Variants in GPHN observed in about 807,000 individuals in gnomAD.
GPHN encodes gephyrin.
GPHN carries 17 observed loss-of-function variants against 95.5 expected under a neutral mutation model. That is an observed-to-expected ratio of 0.18 (90% confidence interval 0.12 to 0.27). The LOEUF is 0.27. Ranked by LOEUF, GPHN falls within the 10% of genes least tolerant of loss-of-function variation. The probability of loss-of-function intolerance (pLI) is 1.00; values close to 1 mark genes in which losing one functional copy is unlikely to be tolerated. For missense variants in GPHN, 660 were observed against 978.1 expected (o/e 0.67, Z 4.34); for synonymous variants, 320 against 322.5 (o/e 0.99, Z 0.08).
At chr14:66,733,699 G>A (rs1257725787) in intron 2 of GPHN, among the ~76,000 whole-genome samples, 1 of 152,042 alleles carries the variant, frequency 6.6e-6, no homozygotes, top group Non-Finnish European at 1.5e-5. Context: ...GTAGTTAAGT[G>A]GGGAAGGCAC....
At chr14:67,689,310 G>A in the GPHN span, among the ~76,000 whole-genome samples, 3 of 152,208 alleles carry the variant, frequency 2.0e-5, no homozygotes, top group African/African-American at 7.2e-5. Flanking sequence ...CCTGCATTCT[G>A]CCTGCCTCAA....
chr14:67,678,572 C>G, the GPHN span: 2 of 575,796 alleles, frequency 3.5e-6, no homozygotes, highest in African/African-American at 3.8e-5. Context: ...TCTCTTCATT[C>G]TCCAGTCCTT....
intron 13 of GPHN, among the ~76,000 whole-genome samples, chr14:67,107,997 G>T (rs528801402): frequency 6.6e-6 from 1 of 152,184 alleles, no homozygotes; most frequent in Admixed American, 6.5e-5. Flanking sequence ...TACTTTCTAA[G>T]CCTTGCCATA....
intron 4 of GPHN, among the ~76,000 whole-genome samples, chr14:66,870,164 A>G (rs1284852691): frequency 6.6e-6 from 1 of 152,240 alleles, no homozygotes; most frequent in Non-Finnish European, 1.5e-5. Flanking sequence ...GTTTGATACA[A>G]ACGTGAGAAA....
chr14:67,705,425 G>A, the GPHN span, among the ~76,000 whole-genome samples: 6 of 152,306 alleles, frequency 3.9e-5, no homozygotes, highest in Middle Eastern at 3.4e-3. Context: ...GAGACTCATC[G>A]TAAGATTCTT....
chr14:67,087,779 C>T (rs927028736), intron 11 of GPHN, among the ~76,000 whole-genome samples: 3 of 152,076 alleles, frequency 2.0e-5, no homozygotes, highest in Non-Finnish European at 4.4e-5. Flanking sequence ...TATCCAGCTC[C>T]GGAAACAATG....
intron 3 of GPHN, among the ~76,000 whole-genome samples, chr14:66,791,524 G>A (rs2059969324): frequency 6.6e-6 from 1 of 152,234 alleles, no homozygotes; most frequent in Non-Finnish European, 1.5e-5. Flanking sequence ...AGTTTTCCAA[G>A]AAAAGGGGAG....
chr14:67,007,696 C>T (rs1033969875), intron 9 of GPHN, among the ~76,000 whole-genome samples: 2 of 152,212 alleles, frequency 1.3e-5, no homozygotes, highest in Admixed American at 6.5e-5. Context: ...ACCTATGTCA[C>T]TGTGCTTTCA....
At chr14:67,058,031 C>A (rs2075674253) in intron 10 of GPHN, among the ~76,000 whole-genome samples, 1 of 150,818 alleles carries the variant, frequency 6.6e-6, no homozygotes, top group Non-Finnish European at 1.5e-5. Flanking sequence ...CAGCCTATCA[C>A]AAAAAAAAAC....
At chr14:66,759,171 C>A (rs2058674121) in intron 2 of GPHN, among the ~76,000 whole-genome samples, 1 of 152,146 alleles carries the variant, frequency 6.6e-6, no homozygotes, top group Non-Finnish European at 1.5e-5. Context: ...AAAGCCGAGC[C>A]CAGCCATGGG....
At chr14:66,761,118 T>A (rs2058737753) in intron 2 of GPHN, 3 of 360,452 alleles carry the variant, frequency 8.3e-6, no homozygotes, top group South Asian at 7.0e-5. Context: ...GTCACTTAAA[T>A]GAAAAGTGAT....
chr14:67,422,826 C>CTTTTTT, the GPHN span, among the ~76,000 whole-genome samples: 6 of 115,832 alleles, frequency 5.2e-5, no homozygotes, highest in Non-Finnish European at 7.1e-5. Flanking sequence ...CTTTCCCCAT[C>CTTTTTT]TTTTTTTTTT....
At chr14:67,238,232 T>G in the GPHN span, among the ~76,000 whole-genome samples, 1 of 151,864 alleles carries the variant, frequency 6.6e-6, no homozygotes, top group African/African-American at 2.4e-5. Flanking sequence ...AGAAAATAGA[T>G]TTCTTTTTTC....
chr14:66,879,361 A>C (rs1282561169), intron 4 of GPHN, among the ~76,000 whole-genome samples: 1 of 151,994 alleles, frequency 6.6e-6, no homozygotes, highest in Non-Finnish European at 1.5e-5. Context: ...ATTAAAAAAA[A>C]AAAAAGTGGA....
the GPHN span, among the ~76,000 whole-genome samples, chr14:67,526,987 A>G: frequency 5.9e-5 from 9 of 152,230 alleles, no homozygotes; most frequent in Non-Finnish European, 1.2e-4. Flanking sequence ...GGTTCAGGCC[A>G]AGCCACTAGG....
the GPHN span, chr14:67,381,617 A>T: frequency 6.2e-7 from 1 of 1,613,648 alleles, no homozygotes; most frequent in Non-Finnish European, 8.5e-7. Flanking sequence ...TGTTATGGTT[A>T]TGAAGGCATT....
chr14:67,105,222 T>G (rs2077969159), intron 13 of GPHN, among the ~76,000 whole-genome samples: 2 of 152,142 alleles, frequency 1.3e-5, no homozygotes, highest in South Asian at 4.1e-4. Context: ...TTAGTTCTTT[T>G]AAATTTGTTG....
intron 1 of GPHN, among the ~76,000 whole-genome samples, chr14:66,674,349 C>T (rs1485349146): frequency 2.0e-5 from 3 of 152,086 alleles, no homozygotes; most frequent in Non-Finnish European, 4.4e-5. Context: ...CCACCCGCCT[C>T]AGCCTCCCAA....
At chr14:67,604,492 C>T in the GPHN span, among the ~76,000 whole-genome samples, 2 of 151,992 alleles carry the variant, frequency 1.3e-5, no homozygotes, top group African/African-American at 4.8e-5. Context: ...CTCAGGAGTT[C>T]CAGAACATGC....
Sources: gnomAD v4.1 joint callset for allele counts (sites outside exome capture counted in the v4.1 genomes callset) on GRCh38, gnomAD v4.1.1 for gene constraint, MANE v1.5 for transcripts, NCBI Gene and HGNC (gene_info 2026-07-23, HGNC 2026-07-21) for gene names.